Variants in CHD2 observed in about 807,000 individuals in gnomAD.
CHD2 encodes ATP-dependent chromatin remodeler CHD2.
In CHD2, 28 loss-of-function variants were observed where a neutral mutation model predicts 243.9. That is an observed-to-expected ratio of 0.11 (90% CI 0.09 to 0.16). The LOEUF is 0.16. Among genes scored for constraint, CHD2 ranks in the 10% least tolerant of loss-of-function variants. The pLI, the probability that CHD2 is intolerant of heterozygous loss-of-function variation, is 1.00. For synonymous variants in CHD2, 775 were observed against 779.0 expected (o/e 0.99, Z 0.09); for missense variants, 1,386 against 2,209.8 (o/e 0.63, Z 7.47).
chr15:92,974,984 T>C, intron 20 of CHD2, 34 bp downstream of exon 20: 1 of 1,564,922 alleles, frequency 6.4e-7, no homozygotes, highest in South Asian at 1.1e-5. Flanking sequence ...TTTGAGCAAC[T>C]TGGGCTCTGC....
At chr15:92,930,526 G>A (rs1357797489) in intron 5 of CHD2, among the ~76,000 whole-genome samples, 2 of 151,952 alleles carry the variant, frequency 1.3e-5, no homozygotes. Context: ...TTGGCTTGCT[G>A]GACTTAATTG....
intron 9 of CHD2, chr15:92,943,318 A>G (rs1394712792): frequency 6.5e-6 from 3 of 459,092 alleles, no homozygotes; most frequent in East Asian, 4.2e-5. Flanking sequence ...AGTTTTCACA[A>G]TAAGTGCATG....
chr15:92,909,538 T>C (rs1567119232), intron 2 of CHD2, among the ~76,000 whole-genome samples: 1 of 152,174 alleles, frequency 6.6e-6, no homozygotes, highest in Non-Finnish European at 1.5e-5. Context: ...TGAACCATCA[T>C]ACCCAGCCTC....
In CHD2 at chr15:93,009,307, A is replaced by T; in HGVS notation, c.4576A>T (p.Ile1526Phe). 3 of 1,614,108 alleles carry T rather than the reference A, an allele frequency of 1.9e-6. No homozygotes were observed. Among genetic ancestry groups the T allele is most frequent in the East Asian group, 2.2e-5 (1 of 44,878 alleles). The change falls in exon 35 of 39, where the codon ATC (isoleucine) becomes TTC (phenylalanine). Residue 1526 changes from isoleucine to phenylalanine, a missense_variant. Ile to Phe is a conservative substitution (Grantham distance 21, BLOSUM62 0). Around this residue, in one of 19 missense-constraint regions of CHD2, gnomAD observed 42 missense variants for 47.6 expected, o/e 0.88. Transcript: ENST00000394196. ...TAAAGCCTACTCAGATCAGGAGCAC[A>T]TCAAACTCTGGAGGAGGTAACCACT... is the stretch of plus-strand genomic sequence containing the variant. ...CLKAYSDQEH[I>F]KLWRRNLWIF...
At chr15:92,988,809 AC>A (rs2054078277) in intron 26 of CHD2, among the ~76,000 whole-genome samples, 1 of 149,594 alleles carries the variant, frequency 6.7e-6, no homozygotes, top group East Asian at 2.0e-4. Context: ...TTTCTATTTC[AC>A]TCTTTAAAAA....
intron 2 of CHD2, among the ~76,000 whole-genome samples, chr15:92,907,045 A>G (rs542439464): frequency 6.6e-6 from 1 of 152,348 alleles, no homozygotes; most frequent in East Asian, 1.9e-4. Flanking sequence ...TCAGTAATTC[A>G]GCACAATGCT....
intron 38 of CHD2, among the ~76,000 whole-genome samples, chr15:93,023,656 C>G (rs969482977): frequency 5.4e-5 from 8 of 148,964 alleles, no homozygotes; most frequent in East Asian, 1.9e-4. Context: ...TTTGCCAACA[C>G]TTATTTCCTG....
At chr15:92,935,486 G>A (rs2053250543) in intron 5 of CHD2, among the ~76,000 whole-genome samples, 1 of 152,152 alleles carries the variant, frequency 6.6e-6, no homozygotes, top group African/African-American at 2.4e-5. Flanking sequence ...CTCATTGGTG[G>A]CCCTGGTTTA....
intron 26 of CHD2, 105 bp downstream of exon 26, chr15:92,985,778 C>T: frequency 3.4e-6 from 4 of 1,170,922 alleles, no homozygotes; most frequent in Non-Finnish European, 4.7e-6. Context: ...GAGGCTAATA[C>T]CTACAAAAAA....
At chr15:92,945,762 A>T in intron 10 of CHD2, 59 bp from the exon 11 acceptor site, 3 of 1,164,964 alleles carry the variant, frequency 2.6e-6, no homozygotes, top group Non-Finnish European at 3.6e-6. Context: ...CATAGAACCC[A>T]AAATCTTTCA....
intron 13 of CHD2, among the ~76,000 whole-genome samples, chr15:92,952,278 T>C (rs1311695800): frequency 6.6e-6 from 1 of 152,224 alleles, no homozygotes; most frequent in African/African-American, 2.4e-5. Flanking sequence ...CCAACCTTTT[T>C]GGCACTAGGG....
chr15:92,957,560 C>G (rs2053631808), intron 16 of CHD2, among the ~76,000 whole-genome samples: 2 of 152,026 alleles, frequency 1.3e-5, no homozygotes, highest in Non-Finnish European at 1.5e-5. Context: ...TTGCTTGATT[C>G]ATTGCTGGTT....
chr15:92,901,659 A>AT (rs1481775075), intron 2 of CHD2: 1 of 384,082 alleles, frequency 2.6e-6, no homozygotes, highest in Non-Finnish European at 4.6e-6. Context: ...GCATTGCACC[A>AT]TTTTACATAC....
chr15:92,945,626 G>C, intron 10 of CHD2, 195 bp from the exon 11 acceptor site: 1 of 317,724 alleles, frequency 3.1e-6, no homozygotes, highest in Middle Eastern at 9.6e-4. Context: ...TTGAACTGCT[G>C]GCCTCAAGCA....
chr15:92,922,431 C>T (rs534584733), intron 2 of CHD2, among the ~76,000 whole-genome samples: 2 of 152,244 alleles, frequency 1.3e-5, no homozygotes, highest in East Asian at 1.9e-4. Context: ...TGAGAACCTC[C>T]CCTCGACCCC....
intron 2 of CHD2, among the ~76,000 whole-genome samples, chr15:92,909,939 CGTGTGTGTGTGTGTGT>C (rs57621949): frequency 8.0e-5 from 12 of 149,122 alleles, no homozygotes; most frequent in South Asian, 2.1e-4. Context: ...AAGGGTTTTA[CGTGTGTGTGTGTGTGT>C]GTGTGTGTGT....
chr15:92,939,798 G>T (rs1474331597), intron 7 of CHD2, 80 bp downstream of exon 7: 1 of 1,435,716 alleles, frequency 7.0e-7, no homozygotes, highest in Non-Finnish European at 9.4e-7. Context: ...TAAGTCCGGG[G>T]TTGTGCACTT....
At chr15:92,979,379 T>C in intron 22 of CHD2, 96 bp downstream of exon 22, 1 of 1,394,442 alleles carries the variant, frequency 7.2e-7, no homozygotes, top group Non-Finnish European at 9.7e-7. Context: ...ATTAGTCTGT[T>C]CATTACCTGG....
intron 7 of CHD2, among the ~76,000 whole-genome samples, chr15:92,941,422 G>C (rs2053381009): frequency 6.6e-6 from 1 of 151,912 alleles, no homozygotes; most frequent in South Asian, 2.1e-4. Context: ...TAGAAATATT[G>C]CTTCTCTTTT....
Sources: gnomAD v4.1 joint callset for allele counts (sites outside exome capture counted in the v4.1 genomes callset) on GRCh38, gnomAD v4.1.1 for gene constraint, gnomAD v4.1.1 regional missense constraint, MANE v1.5 for transcripts, NCBI Gene and HGNC (gene_info 2026-07-23, HGNC 2026-07-21) for gene names.